The following PNOC variants were observed in gnomAD, a reference collection of about 807,000 sequenced individuals.
PNOC encodes prepronociceptin, also known as nociceptin.
A neutral mutation model predicts 15.6 loss-of-function variants in PNOC; 10 were observed. The ratio of observed to expected loss-of-function variants is 0.64; its 90% CI spans 0.40 to 1.09. The LOEUF (loss-of-function observed/expected upper bound fraction) is 1.09. Ranked by LOEUF, PNOC falls within the 50% of genes least tolerant of loss-of-function variation. PNOC has a pLI of 0.01. For synonymous variants in PNOC, 98 were observed against 88.5 expected, an observed-to-expected ratio of 1.11 and a Z score of -0.60; for missense variants, 220 against 223.9, an observed-to-expected ratio of 0.98 and a Z score of 0.11.
chr8:28,318,652 G>A (rs1420785902), intron 1 of PNOC, among the ~76,000 whole-genome samples: 1 of 152,180 alleles, frequency 6.6e-6, no homozygotes, highest in African/African-American at 2.4e-5. Flanking sequence ...AAGGATTCGT[G>A]CTCCTTTGGG....
rs998596739 is a variant in PNOC, at chr8:28,325,617, A to C, written c.-23-3518A>C. The stretch of plus-strand genomic sequence containing the variant: ...CAGTGAGTCGAGATCGCGCCACTGC[A>C]CTCCAGCCTGGGCGACAGAGTGAGA... On this transcript the variant is annotated intron_variant, in intron 1 of 3. Transcript: ENST00000301908. Among the ~76,000 whole-genome samples, 4 of 144,814 alleles carry C rather than the reference A, an allele frequency of 2.8e-5. No homozygotes were observed. In the Admixed American group the frequency reaches 2.9e-4, roughly 11 times the overall value.
At chr8:28,341,979 G>A (rs1375210297) in intron 3 of PNOC, among the ~76,000 whole-genome samples, 3 of 152,146 alleles carry the variant, frequency 2.0e-5, no homozygotes, top group Non-Finnish European at 4.4e-5. Flanking sequence ...TGACTTCTAA[G>A]ATACCTAATA....
chr8:28,328,099 A>G (rs1463460734), intron 1 of PNOC, among the ~76,000 whole-genome samples: 2 of 109,996 alleles, frequency 1.8e-5, no homozygotes, highest in East Asian at 5.2e-4. Flanking sequence ...ACAGAGTCTC[A>G]CTCTGTCAAC....
chr8:28,325,127 G>C (rs915896451), intron 1 of PNOC, among the ~76,000 whole-genome samples: 9 of 152,142 alleles, frequency 5.9e-5, no homozygotes, highest in African/African-American at 1.9e-4. Context: ...GCATATCACC[G>C]CCACTCTGCA....
chr8:28,335,828 C>T (rs551444083), intron 2 of PNOC, among the ~76,000 whole-genome samples: 37 of 152,062 alleles, frequency 2.4e-4, no homozygotes, highest in African/African-American at 8.7e-4. Flanking sequence ...TGCGCCTAGC[C>T]GAAATTCTGT....
At chr8:28,324,331 C>CA (rs1333352299) in intron 1 of PNOC, among the ~76,000 whole-genome samples, 1 of 152,156 alleles carries the variant, frequency 6.6e-6, no homozygotes, top group African/African-American at 2.4e-5. Context: ...ATGAAGTTCA[C>CA]AAAAAACCTC....
intron 2 of PNOC, among the ~76,000 whole-genome samples, chr8:28,330,396 A>ATTTTATTTTATTTTTTTTTTTTT (rs377288105): frequency 3.7e-5 from 3 of 80,418 alleles, no homozygotes; most frequent in Non-Finnish European, 5.3e-5. Flanking sequence ...ATTTTATTTT[A>ATTTTATTTTATTTTTTTTTTTTT]TTTTTTTTTT....
At chr8:28,339,651 C>A (rs1278146589) in intron 3 of PNOC, 160 bp downstream of exon 3, 13 of 515,108 alleles carry the variant, frequency 2.5e-5, no homozygotes, top group Non-Finnish European at 3.8e-5. Context: ...CTCTAGGCAG[C>A]AGATTTTCCT....
intron 2 of PNOC, among the ~76,000 whole-genome samples, chr8:28,337,627 G>A (rs1158084086): frequency 1.6e-5 from 2 of 128,206 alleles, no homozygotes; most frequent in Non-Finnish European, 3.1e-5. Flanking sequence ...CTGTCGCCCA[G>A]CGTCAAGTGC....
At chr8:28,321,867 G>C (rs1209038789) in intron 1 of PNOC, among the ~76,000 whole-genome samples, 1 of 152,210 alleles carries the variant, frequency 6.6e-6, no homozygotes, top group African/African-American at 2.4e-5. Context: ...ATTTAGATGA[G>C]AGGAGAGACA....
chr8:28,335,790 A>G (rs1801401495), intron 2 of PNOC, among the ~76,000 whole-genome samples: 2 of 152,002 alleles, frequency 1.3e-5, no homozygotes, highest in African/African-American at 4.8e-5. Context: ...CAGCCTCCCA[A>G]AGTGCTGGGA....
In PNOC at chr8:28,329,164, G is replaced by A. The variant is rs1418798474; in HGVS notation, c.7G>A (p.Val3Ile). The A allele has an allele frequency of 1.9e-6, 3 of 1,613,694 alleles. No homozygotes were observed. The highest frequency in any genetic ancestry group is 2.2e-5 in the East Asian group (1 of 44,878). The change falls in exon 2 of 4, where the codon GTC (valine) becomes ATC (isoleucine). Residue 3 changes from valine (V) to isoleucine (I), a missense_variant. Val to Ile is a conservative substitution (Grantham distance 29). Coordinates refer to ENST00000301908, the MANE Select transcript of PNOC (RefSeq NM_006228.5). MK[V>I]LLCDLLLLSL... Reference sequence around the variant, plus strand: ...TGCTTCCTGCTCCTGCACCATGAAAGTCCTGCTTTGTGACCTGCTGCTGCT... The same window carrying A: ...TGCTTCCTGCTCCTGCACCATGAAAATCCTGCTTTGTGACCTGCTGCTGCT...
intron 2 of PNOC, among the ~76,000 whole-genome samples, chr8:28,334,734 G>A (rs1198140645): frequency 4.6e-5 from 7 of 152,156 alleles, no homozygotes; most frequent in African/African-American, 1.4e-4. Context: ...GCTCAAAGGC[G>A]CCTCCCTCCT....
In PNOC at chr8:28,329,162, A is replaced by G. The variant is rs751323221; in HGVS notation, c.5A>G (p.Lys2Arg). Residue 2 changes from lysine (K) to arginine (R), a missense_variant, in exon 2 of 4, where the codon AAA becomes AGA. Lys to Arg is a conservative substitution (Grantham distance 26). Transcript: ENST00000301908. The stretch of plus-strand genomic sequence containing the variant: ...CCTGCTTCCTGCTCCTGCACCATGA[A>G]AGTCCTGCTTTGTGACCTGCTGCTG... Reference protein sequence around the residue: MKVLLCDLLLLS... With the variant: MRVLLCDLLLLS... 4 of 1,613,406 alleles carry G rather than the reference A, an allele frequency of 2.5e-6. No homozygotes were observed. Among genetic ancestry groups the G allele is most frequent in the Non-Finnish European group, 3.4e-6 (4 of 1,179,974 alleles).
chr8:28,334,717 C>A (rs2129889708), intron 2 of PNOC, among the ~76,000 whole-genome samples: 1 of 152,244 alleles, frequency 6.6e-6, no homozygotes, highest in African/African-American at 2.4e-5. Flanking sequence ...TGCTCTCAAA[C>A]TCCTGGGCTC....
chr8:28,339,442 T>G lies in PNOC; in HGVS notation c.529T>G (p.Ter177GluextTer119), dbSNP rs1801477067. 1 of 1,526,378 alleles carries G rather than the reference T, an allele frequency of 6.6e-7. No individual in the cohort carries two copies. Among genetic ancestry groups the G allele is most frequent in the Admixed American group, 2.1e-5 (1 of 48,742 alleles). 94.6% of individuals were successfully genotyped at this position (1,526,378 alleles called of 1,614,324 possible). ...CACCCTGCACCAGAATGGTAATGTGTAGCCGGAAGGGGCGCTCCTCCCAGC... is the reference window on the plus strand; with the variant it reads ...CACCCTGCACCAGAATGGTAATGTGGAGCCGGAAGGGGCGCTCCTCCCAGC... ...RRTLHQNGNV[*>E] Residue 177 changes from the stop codon to glutamate, a stop_lost, in exon 3 of 4, where the codon TAG becomes GAG. Coordinates refer to ENST00000301908, the MANE Select transcript of PNOC (RefSeq NM_006228.5).
At chr8:28,341,533 T>C (rs567825413) in intron 3 of PNOC, among the ~76,000 whole-genome samples, 1 of 152,252 alleles carries the variant, frequency 6.6e-6, no homozygotes, top group Non-Finnish European at 1.5e-5. Context: ...ACGATGGCAA[T>C]GTTCTTTACC....
chr8:28,337,386 G>A (rs1419557093), intron 2 of PNOC, among the ~76,000 whole-genome samples: 6 of 151,950 alleles, frequency 3.9e-5, no homozygotes, highest in African/African-American at 1.2e-4. Context: ...CGCAACCTCC[G>A]CCTCCCAGGT....
intron 2 of PNOC, among the ~76,000 whole-genome samples, chr8:28,329,512 G>T (rs1365374389): frequency 6.6e-6 from 1 of 152,210 alleles, no homozygotes; most frequent in African/African-American, 2.4e-5. Flanking sequence ...TGCCTGTGAT[G>T]CCAGGTCATT....
Sources: gnomAD v4.1 joint callset for allele counts (sites outside exome capture counted in the v4.1 genomes callset) on GRCh38, gnomAD v4.1.1 for gene constraint, MANE v1.5 for transcripts, NCBI Gene and HGNC (gene_info 2026-07-23, HGNC 2026-07-21) for gene names.